The following LCMT1 variants were observed in gnomAD, a reference collection of about 807,000 sequenced individuals.
LCMT1 encodes leucine carboxyl methyltransferase 1, also known as [Phosphatase 2A protein]-leucine-carboxy methyltransferase 1.
LCMT1 carries 32 observed loss-of-function variants against 47.7 expected under a neutral mutation model. The observed-to-expected ratio is 0.67, with a 90% CI of 0.51 to 0.90. The LOEUF is 0.90. Ranked by LOEUF, LCMT1 falls within the 40% of genes least tolerant of loss-of-function variation. LCMT1 has a pLI of 0.00. For synonymous variants in LCMT1, 152 were observed against 149.7 expected (o/e 1.02, Z -0.11); for missense variants, 375 against 415.2 (o/e 0.90, Z 0.84).
intron 3 of LCMT1, among the ~76,000 whole-genome samples, chr16:25,138,030 C>T (rs1031200049): frequency 6.6e-6 from 1 of 152,184 alleles, no homozygotes; most frequent in African/African-American, 2.4e-5. Context: ...CCCAGTTGCT[C>T]CAGTCAGAAA....
At chr16:25,138,461 G>A (rs528476569) in intron 3 of LCMT1, among the ~76,000 whole-genome samples, 1 of 152,190 alleles carries the variant, frequency 6.6e-6, no homozygotes, top group South Asian at 2.1e-4. Flanking sequence ...GCGTGACTGG[G>A]TAGGGAGGGT....
chr16:25,137,559 C>T (rs957756173), intron 3 of LCMT1, among the ~76,000 whole-genome samples: 1 of 152,242 alleles, frequency 6.6e-6, no homozygotes, highest in African/African-American at 2.4e-5. Context: ...ATCTTCCTAA[C>T]TCAGCCTTCC....
At chr16:25,135,945 G>T (rs960634142) in intron 3 of LCMT1, among the ~76,000 whole-genome samples, 8 of 151,960 alleles carry the variant, frequency 5.3e-5, no homozygotes, top group African/African-American at 1.7e-4. Flanking sequence ...AAAAAAATCA[G>T]CCAGGCATGG....
chr16:25,178,205 TTAAA>T lies in LCMT1; in HGVS notation c.*188_*191del. The T allele has an allele frequency of 3.4e-6, 2 of 585,642 alleles. No individual in the cohort carries two copies. The highest frequency in any genetic ancestry group is 5.9e-6 in the Non-Finnish European group (2 of 337,234). The allele number at this position is 585,642 out of a possible 1,614,324, so 36.3% of individuals were successfully genotyped here. A position where few individuals can be genotyped will look rare whatever the true frequency, so the allele number is the denominator to read the frequency against. ...CCTGTTCCTGTTGACATGTCGTTGT[TTAAA>T]TAAATCTCACTTGCCACCAGTCGCC... On this transcript the variant is annotated 3_prime_UTR_variant, in exon 11 of 11. Coordinates refer to ENST00000399069, the MANE Select transcript of LCMT1 (RefSeq NM_016309.3).
chr16:25,173,852 A>C (rs1411402001), intron 9 of LCMT1, among the ~76,000 whole-genome samples: 2 of 151,552 alleles, frequency 1.3e-5, no homozygotes, highest in Admixed American at 6.6e-5. Flanking sequence ...GCAAACAGAA[A>C]CTTTTTTAAA....
At chr16:25,173,109 G>A (rs1005307915) in intron 9 of LCMT1, among the ~76,000 whole-genome samples, 2 of 152,224 alleles carry the variant, frequency 1.3e-5, no homozygotes, top group Non-Finnish European at 2.9e-5. Flanking sequence ...GCCGGAAACT[G>A]TAGAGTATAA....
At chr16:25,170,953 A>C (rs1961747738) in intron 9 of LCMT1, 148 bp downstream of exon 9, 2 of 597,078 alleles carry the variant, frequency 3.3e-6, no homozygotes, top group Middle Eastern at 2.7e-4. Context: ...AAACAAGGCC[A>C]GGCACGGTGG....
rs528721033 is a variant in LCMT1 at position 25,111,775 on chromosome 16, C to G, written c.-109C>G. On this transcript the variant is annotated 5_prime_UTR_variant, in exon 1 of 11. Transcript: ENST00000399069. The stretch of plus-strand genomic sequence containing the variant: ...GCCGCGCCAGCTGAGCCAGGTAGGG[C>G]CCTACCCTCTTCTGTTGCTTTCTCC... 1.3e-6 allele frequency: 1 copy of G among 748,436 alleles called. No individual in the cohort carries two copies. Among genetic ancestry groups the G allele is most frequent in the Non-Finnish European group, 2.3e-6 (1 of 428,684 alleles). The allele number at this position is 748,436 out of a possible 1,614,324, so 46.4% of individuals were successfully genotyped here.
At chr16:25,124,199 C>A (rs1960087676) in intron 1 of LCMT1, among the ~76,000 whole-genome samples, 1 of 152,178 alleles carries the variant, frequency 6.6e-6, no homozygotes, top group South Asian at 2.1e-4. Context: ...TATTATAAAA[C>A]AGTAAAACAC....
chr16:25,129,246 C>T (rs1555482086), intron 2 of LCMT1, among the ~76,000 whole-genome samples: 1 of 150,698 alleles, frequency 6.6e-6, no homozygotes, highest in Non-Finnish European at 1.5e-5. Flanking sequence ...ATATATATAC[C>T]TATGTAACAA....
chr16:25,144,155 TC>T (rs537984609), intron 4 of LCMT1: 76 of 152,404 alleles, frequency 5.0e-4, no homozygotes, highest in African/African-American at 1.8e-3. Context: ...TTGGATTGGA[TC>T]CTTACGTTTG....
chr16:25,119,186 C>T (rs1959892273), intron 1 of LCMT1, among the ~76,000 whole-genome samples: 1 of 152,042 alleles, frequency 6.6e-6, no homozygotes, highest in African/African-American at 2.4e-5. Context: ...GGATGTGGGG[C>T]AAGACTGAGG....
intron 5 of LCMT1, among the ~76,000 whole-genome samples, chr16:25,156,019 C>T (rs1021691513): frequency 6.6e-6 from 1 of 152,194 alleles, no homozygotes; most frequent in African/African-American, 2.4e-5. Flanking sequence ...GATCTAGCCA[C>T]ACAGATATCT....
intron 2 of LCMT1, chr16:25,132,053 C>T (rs1960362196): frequency 3.3e-5 from 12 of 367,174 alleles, no homozygotes; most frequent in South Asian, 1.4e-4. Context: ...CAGGTTTACC[C>T]GAGTCCAGAG....
At position 25,132,509 on chromosome 16, in the gene LCMT1, T is replaced by C; in HGVS notation, c.313T>C (p.Phe105Leu). 6.2e-7 allele frequency: 1 copy of C among 1,613,874 alleles called. No individual in the cohort carries two copies. Among genetic ancestry groups the C allele is most frequent in the South Asian group, 1.1e-5 (1 of 91,052 alleles). Residue 105 changes from phenylalanine to leucine, a missense_variant, in exon 3 of 11, where the codon TTC becomes CTC. Coordinates refer to ENST00000399069, the MANE Select transcript of LCMT1 (RefSeq NM_016309.3). ...VNLGAGMDTT[F>L]WRLKDEDLLP... Reference sequence around the variant, plus strand: ...CCTTGGGGCAGGCATGGATACCACCTTCTGGAGATTAAAGGTATGTTCAAA... The same window carrying C: ...CCTTGGGGCAGGCATGGATACCACCCTCTGGAGATTAAAGGTATGTTCAAA...
chr16:25,137,181 C>G (rs753213734), intron 3 of LCMT1, among the ~76,000 whole-genome samples: 5 of 152,024 alleles, frequency 3.3e-5, no homozygotes, highest in Non-Finnish European at 5.9e-5. Context: ...ATTACAGGCA[C>G]CTACCACCAT....
intron 9 of LCMT1, among the ~76,000 whole-genome samples, chr16:25,173,985 T>C (rs998278950): frequency 6.6e-6 from 1 of 152,316 alleles, no homozygotes; most frequent in Non-Finnish European, 1.5e-5. Flanking sequence ...GATCTCTGCT[T>C]ACTGCAACCT....
chr16:25,116,599 A>G lies in LCMT1; in HGVS notation c.113+4603A>G, dbSNP rs1597554499. On this transcript the variant is annotated intron_variant, in intron 1 of 10. Transcript: ENST00000399069. ...TCAGTGCCACTCTTCTCTTTTCCAC[A>G]GTGGAGGAGGTGTTAAAGAGATAAA... is the stretch of plus-strand genomic sequence containing the variant. Among the ~76,000 whole-genome samples the G allele has an allele frequency of 2.6e-5, 4 of 151,850 alleles. 1 individual carries two copies. The South Asian group carries it at 8.3e-4, about 32-fold the overall frequency.
intron 5 of LCMT1, 50 bp downstream of exon 5, chr16:25,151,665 C>A: frequency 6.9e-7 from 1 of 1,459,494 alleles, no homozygotes; most frequent in East Asian, 2.3e-5. Flanking sequence ...TTTTGCTTCC[C>A]ACCCCCTTTT....
Sources: allele counts gnomAD v4.1 joint callset (sites outside exome capture counted in the v4.1 genomes callset), GRCh38; gene constraint gnomAD v4.1.1; transcripts MANE v1.5; gene names NCBI Gene and HGNC (gene_info 2026-07-23, HGNC 2026-07-21).